TFCP2: variants seen among roughly 807,000 people sequenced by gnomAD.
The protein encoded by TFCP2 is alpha-globin transcription factor CP2.
A neutral mutation model predicts 73.4 loss-of-function variants in TFCP2; 33 were observed. That is an observed-to-expected ratio of 0.45 (90% CI 0.34 to 0.60). TFCP2 has a LOEUF of 0.60. Among genes scored for constraint, TFCP2 ranks in the 20% least tolerant of loss-of-function variants. TFCP2 has a pLI of 0.01. For missense variants in TFCP2, 352 were observed against 604.0 expected, an observed-to-expected ratio of 0.58 and a Z score of 4.37; for synonymous variants, 193 against 211.6, an observed-to-expected ratio of 0.91 and a Z score of 0.76.
rs904788224 is a variant in TFCP2, at chr12:51,106,543, C to G, written c.899G>C (p.Ser300Thr). The change falls in exon 8 of 15, where the codon AGT (serine) becomes ACT (threonine). Residue 300 changes from serine (S) to threonine (T), a missense_variant. Coordinates refer to ENST00000257915, the MANE Select transcript of TFCP2 (RefSeq NM_005653.5). ...GACTTACCCTTCCCCAAGAGAAAAA[C>G]TGCTATGGGAACTGTTGAAGCCAGG... ...PSPGFNSSHSSFSLGEGNGSP... is the reference protein window; with the variant it reads ...PSPGFNSSHSTFSLGEGNGSP... The G allele has an allele frequency of 6.2e-7, 1 of 1,612,530 alleles. No homozygotes were observed. The highest frequency in any genetic ancestry group is 1.7e-5 in the Admixed American group (1 of 59,656).
At chr12:51,147,519 T>C (rs1269362896) in intron 1 of TFCP2, among the ~76,000 whole-genome samples, 6 of 136,962 alleles carry the variant, frequency 4.4e-5, no homozygotes, top group Non-Finnish European at 9.7e-5. Context: ...GAGACCAGGA[T>C]AGGAAGAGGT....
chr12:51,109,208 T>G lies in TFCP2; in HGVS notation c.630A>C (p.Arg210=). 6.2e-7 allele frequency: 1 copy of G among 1,614,188 alleles called. No homozygotes were observed. The highest frequency in any genetic ancestry group is 8.5e-7 in the Non-Finnish European group (1 of 1,180,032). Residue 210 remains arginine, a synonymous_variant, in exon 6 of 15, where the codon CGA becomes CGC. Transcript: ENST00000257915. Reference sequence around the variant, plus strand: ...TCTCCTTGAAGGTATCTATTTGTACTCGGAATGGCACCCCCTTTTCTCCAC... The same window carrying G: ...TCTCCTTGAAGGTATCTATTTGTACGCGGAATGGCACCCCCTTTTCTCCAC... The part of the protein sequence containing the change: ...KHGGEKGVPF[R]VQIDTFKENE...
Position 51,124,681 on chromosome 12 carries a change from C to A in TFCP2, c.123-5909G>T, listed in dbSNP as rs559211768. On this transcript the variant is annotated intron_variant, in intron 1 of 14. Transcript: ENST00000257915. The stretch of plus-strand genomic sequence containing the variant: ...AACTTGCACAGCTCCATCAGGCCGT[C>A]CCCCGCGGTGGCCAGTGAGTTGGCA... The A allele has an allele frequency of 1.1e-5, 7 of 632,280 alleles. No individual in the cohort carries two copies. In the East Asian group the frequency reaches 1.4e-4, roughly 12 times the overall value. 39.2% of individuals were successfully genotyped at this position (632,280 alleles called of 1,614,324 possible). A position where few individuals can be genotyped will look rare whatever the true frequency, so the allele number is the denominator to read the frequency against.
At chr12:51,170,394 T>C (rs1277670750) in intron 1 of TFCP2, among the ~76,000 whole-genome samples, 1 of 149,754 alleles carries the variant, frequency 6.7e-6, no homozygotes, top group Admixed American at 6.8e-5. Flanking sequence ...CAGGCTGGAG[T>C]ACAGTGGTGC....
rs60318954 is a variant in TFCP2, at chr12:51,149,024, C to CAAAAAAAAAAAAAAAAAAA, written c.122+23276_122+23277insTTTTTTTTTTTTTTTTTTT. On this transcript the variant is annotated intron_variant, in intron 1 of 14. Transcript: ENST00000257915. ...TGAGCAACAGAGCAAGACTCCATCTCAAAAAAAAAAAAAAAAACAGAAAGA... is the reference window on the plus strand; with the variant it reads ...TGAGCAACAGAGCAAGACTCCATCTCAAAAAAAAAAAAAAAAAAAAAAAAAAAAAAAAAAAACAGAAAGA... 3.2e-3 allele frequency among the ~76,000 whole-genome samples: 123 copies of CAAAAAAAAAAAAAAAAAAA among 37,940 alleles called. 14 individuals are homozygous for CAAAAAAAAAAAAAAAAAAA. Among genetic ancestry groups the CAAAAAAAAAAAAAAAAAAA allele is most frequent in the African/African-American group, 6.0e-3 (66 of 11,028 alleles). The allele number at this position is 37,940 out of a possible 152,430, so 24.9% of individuals were successfully genotyped here.
rs761908585 is a variant in TFCP2, at chr12:51,172,426, G to A, written c.-4C>T. ...GCAGCTTCAGAGCCCAGGCCATCCT[G>A]GCTCCTTCCTTGCCCCAGGAGACAC... On this transcript the variant is annotated 5_prime_UTR_variant, in exon 1 of 15. Coordinates refer to ENST00000257915, the MANE Select transcript of TFCP2 (RefSeq NM_005653.5). 6.2e-7 allele frequency: 1 copy of A among 1,614,040 alleles called. No homozygotes were observed. Among genetic ancestry groups the A allele is most frequent in the Admixed American group, 1.7e-5 (1 of 60,004 alleles).
At chr12:51,095,409 C>T (rs1566195587) in intron 14 of TFCP2, 131 bp from the exon 15 acceptor site, 12 of 885,208 alleles carry the variant, frequency 1.4e-5, no homozygotes, top group Admixed American at 2.0e-5. Context: ...GCTGAGATCA[C>T]GCCACTGGAC....
At chr12:51,150,726 T>C (rs879743533) in intron 1 of TFCP2, among the ~76,000 whole-genome samples, 1 of 152,178 alleles carries the variant, frequency 6.6e-6, no homozygotes, top group Non-Finnish European at 1.5e-5. Context: ...TCAGTCTCAA[T>C]AAAGAGACTT....
intron 1 of TFCP2, among the ~76,000 whole-genome samples, chr12:51,153,582 T>C (rs189697518): frequency 6.4e-4 from 98 of 152,210 alleles, no homozygotes; most frequent in Middle Eastern, 3.4e-3. Flanking sequence ...CTCTCCTGGT[T>C]AACCACTATT....
intron 2 of TFCP2, among the ~76,000 whole-genome samples, chr12:51,117,973 G>A (rs946524695): frequency 6.6e-6 from 1 of 152,114 alleles, no homozygotes; most frequent in Non-Finnish European, 1.5e-5. Flanking sequence ...CCATTTTACA[G>A]ACAAAGAAAT....
chr12:51,171,325 T>G (rs1941857008), intron 1 of TFCP2, among the ~76,000 whole-genome samples: 1 of 152,194 alleles, frequency 6.6e-6, no homozygotes, highest in Admixed American at 6.6e-5. Flanking sequence ...AAGCAGCCAA[T>G]GCATGCAACA....
intron 1 of TFCP2, among the ~76,000 whole-genome samples, chr12:51,150,397 G>A (rs1240748165): frequency 2.6e-5 from 4 of 151,732 alleles, no homozygotes; most frequent in East Asian, 1.9e-4. Flanking sequence ...CAGCCTGGGC[G>A]ACAGAGCGAG....
At chr12:51,127,754 A>G (rs1232434454) in intron 1 of TFCP2, among the ~76,000 whole-genome samples, 4 of 152,190 alleles carry the variant, frequency 2.6e-5, no homozygotes, top group Non-Finnish European at 5.9e-5. Flanking sequence ...AAGGGTGCCT[A>G]TCTCTCTAAA....
rs563362955 is a variant in TFCP2, at chr12:51,130,910, C to G, written c.123-12138G>C. Among the ~76,000 whole-genome samples, 80 of 151,926 alleles carry G rather than the reference C, an allele frequency of 5.3e-4. 1 individual carries two copies. In the South Asian group the frequency reaches 0.016, roughly 31 times the overall value. On this transcript the variant is annotated intron_variant, in intron 1 of 14. Coordinates refer to ENST00000257915, the MANE Select transcript of TFCP2 (RefSeq NM_005653.5). ...GCTGAGGCAGGAGAATCATTTGAACCCCGGGAGGCAGGGGTTGCAGTGAGC... is the reference window on the plus strand; with the variant it reads ...GCTGAGGCAGGAGAATCATTTGAACGCCGGGAGGCAGGGGTTGCAGTGAGC...
chr12:51,110,565 TCCCCCCCCAAAAAAATTATG>T (rs2136973649), intron 5 of TFCP2, among the ~76,000 whole-genome samples: 1 of 151,278 alleles, frequency 6.6e-6, no homozygotes, highest in African/African-American at 2.4e-5. Context: ...CTAGACACTG[TCCCCCCCCAAAAAAATTATG>T]CCAATCTAAC....
chr12:51,096,064 G>A, intron 13 of TFCP2, 24 bp from the exon 14 acceptor site: 1 of 1,606,328 alleles, frequency 6.2e-7, no homozygotes, highest in Non-Finnish European at 8.5e-7. Context: ...GAAAATTTGT[G>A]ATTATTTAAA....
rs940576378 is a variant in TFCP2, at chr12:51,105,038, A to C, written c.918-835T>G. 1.1e-4 allele frequency among the ~76,000 whole-genome samples: 17 copies of C among 151,716 alleles called. No individual in the cohort carries two copies. In the East Asian group the frequency reaches 2.0e-3, roughly 17 times the overall value. ...AAAAAATTATTTTTAAAGTAGCCCC[A>C]AAAATTAGTGCTGCCTAATTTATGA... On this transcript the variant is annotated intron_variant, in intron 8 of 14. Coordinates refer to ENST00000257915, the MANE Select transcript of TFCP2 (RefSeq NM_005653.5).
chr12:51,126,564 C>T (rs1422294422), intron 1 of TFCP2, among the ~76,000 whole-genome samples: 1 of 152,084 alleles, frequency 6.6e-6, no homozygotes, highest in Non-Finnish European at 1.5e-5. Context: ...ATGCTCTGTT[C>T]TAGAAAGAGC....
At chr12:51,106,645 G>A (rs749975996) in intron 7 of TFCP2, 32 bp from the exon 8 acceptor site, 51 of 1,551,580 alleles carry the variant, frequency 3.3e-5, no homozygotes, top group Non-Finnish European at 4.4e-5. Flanking sequence ...GATAATGAAC[G>A]AGCACATATG....
Sources: allele counts gnomAD v4.1 joint callset (sites outside exome capture counted in the v4.1 genomes callset), GRCh38; gene constraint gnomAD v4.1.1; transcripts MANE v1.5; gene names NCBI Gene and HGNC (gene_info 2026-07-23, HGNC 2026-07-21).